The following SLC17A5 variants were observed in gnomAD, a reference collection of about 807,000 sequenced individuals.
The protein encoded by SLC17A5 is solute carrier family 17 member 5, also known as sialin.
In SLC17A5, 47 loss-of-function variants were observed where a neutral mutation model predicts 59.4. The observed-to-expected ratio is 0.79, with a 90% CI of 0.63 to 1.01. The LOEUF is 1.01. Ranked by LOEUF, SLC17A5 falls within the 50% of genes least tolerant of loss-of-function variation. The probability of loss-of-function intolerance (pLI) is 0.00; values close to 1 mark genes in which losing one functional copy is unlikely to be tolerated. For synonymous variants in SLC17A5, 202 were observed against 210.7 expected (o/e 0.96, Z 0.36); for missense variants, 522 against 595.5 (o/e 0.88, Z 1.28).
At chr6:73,606,697 C>G (rs887916171) in intron 9 of SLC17A5, among the ~76,000 whole-genome samples, 1 of 152,136 alleles carries the variant, frequency 6.6e-6, no homozygotes, top group African/African-American at 2.4e-5. Flanking sequence ...CAGATGCCAG[C>G]AGGAATCATG....
chr6:73,641,428 G>A (rs1769278440), intron 3 of SLC17A5, among the ~76,000 whole-genome samples: 1 of 152,116 alleles, frequency 6.6e-6, no homozygotes, highest in African/African-American at 2.4e-5. Context: ...TAAAGTATGA[G>A]CTATGAAGTC....
At chr6:73,598,428 C>T (rs1005328524) in intron 10 of SLC17A5, among the ~76,000 whole-genome samples, 3 of 150,694 alleles carry the variant, frequency 2.0e-5, no homozygotes, top group Non-Finnish European at 3.0e-5. Context: ...GTCAGAAGTT[C>T]GAGACCAGCC....
In SLC17A5 at chr6:73,637,677, G is replaced by A. The variant is rs143782181; in HGVS notation, c.613+735C>T. 2.6e-3 allele frequency among the ~76,000 whole-genome samples: 400 copies of A among 151,926 alleles called. 2 individuals are homozygous for A. Among genetic ancestry groups the A allele is most frequent in the African/African-American group, 8.8e-3 (366 of 41,432 alleles). On this transcript the variant is annotated intron_variant, in intron 4 of 10. Coordinates refer to ENST00000355773, the MANE Select transcript of SLC17A5 (RefSeq NM_012434.5). ...TGTTATTTCTTGCCTGAGTGCCCTC[G>A]TACATGCTGTTCTGATTGGCTGAAA... is the stretch of plus-strand genomic sequence containing the variant.
intron 6 of SLC17A5, among the ~76,000 whole-genome samples, chr6:73,627,465 C>T (rs1768480913): frequency 6.6e-6 from 1 of 152,056 alleles, no homozygotes; most frequent in Non-Finnish European, 1.5e-5. Flanking sequence ...CAAGGTTGGG[C>T]TTAAGAAGGT....
intron 9 of SLC17A5, among the ~76,000 whole-genome samples, chr6:73,605,212 A>G (rs958482977): frequency 1.3e-5 from 2 of 152,204 alleles, no homozygotes; most frequent in African/African-American, 4.8e-5. Flanking sequence ...ATTCTGAATC[A>G]GTACTTAATA....
chr6:73,597,383 C>G (rs547000968), intron 10 of SLC17A5, among the ~76,000 whole-genome samples: 1 of 152,192 alleles, frequency 6.6e-6, no homozygotes, highest in South Asian at 2.1e-4. Flanking sequence ...AGGAGAATGG[C>G]GTGAACCCGG....
chr6:73,635,203 G>A, intron 6 of SLC17A5, 179 bp downstream of exon 6: 1 of 492,182 alleles, frequency 2.0e-6, no homozygotes, highest in South Asian at 2.7e-5. Flanking sequence ...CAAAGGACTG[G>A]GATTACAAGT....
At chr6:73,601,101 C>A (rs1581953966) in intron 9 of SLC17A5, among the ~76,000 whole-genome samples, 1 of 147,768 alleles carries the variant, frequency 6.8e-6, no homozygotes, top group Admixed American at 6.8e-5. Context: ...AAGTGAGGAG[C>A]GCCTCTTCCC....
intron 7 of SLC17A5, chr6:73,618,573 T>C: frequency 1.9e-6 from 1 of 521,844 alleles, no homozygotes; most frequent in Non-Finnish European, 3.7e-6. Context: ...TGGAAGGATG[T>C]TCCTTCAGGA....
intron 4 of SLC17A5, among the ~76,000 whole-genome samples, chr6:73,636,912 C>T (rs978034637): frequency 6.6e-6 from 1 of 152,038 alleles, no homozygotes; most frequent in African/African-American, 2.4e-5. Context: ...AAACTCCTAT[C>T]TGTACTAAAA....
chr6:73,611,100 C>T (rs555655308), intron 8 of SLC17A5, among the ~76,000 whole-genome samples: 2 of 151,948 alleles, frequency 1.3e-5, no homozygotes, highest in Non-Finnish European at 2.9e-5. Context: ...AAACAAAATT[C>T]GCCAGGCATG....
intron 9 of SLC17A5, 40 bp from the exon 10 acceptor site, chr6:73,600,481 A>G (rs1767006858): frequency 7.1e-7 from 1 of 1,415,732 alleles, no homozygotes; most frequent in Non-Finnish European, 1.0e-6. Context: ...ATTGTGATAC[A>G]CATTTAAACA....
intron 3 of SLC17A5, among the ~76,000 whole-genome samples, chr6:73,639,225 C>A (rs1459345961): frequency 1.3e-5 from 2 of 152,034 alleles, no homozygotes; most frequent in Non-Finnish European, 2.9e-5. Flanking sequence ...TGAGGAGATA[C>A]CACAGGACAG....
chr6:73,600,508 CTTTTT>C (rs11349241), intron 9 of SLC17A5, 67 bp from the exon 10 acceptor site: 922 of 790,954 alleles, frequency 1.2e-3, no homozygotes, highest in Non-Finnish European at 1.4e-3. Flanking sequence ...TTCTTTCCTT[CTTTTT>C]TTTTTTTTTT....
intron 10 of SLC17A5, among the ~76,000 whole-genome samples, chr6:73,597,163 A>AAAAT (rs1477313186): frequency 6.6e-6 from 1 of 151,148 alleles, no homozygotes; most frequent in African/African-American, 2.4e-5. Flanking sequence ...CTCCGTCTCA[A>AAAAT]AAATAAATAA....
chr6:73,594,964 ATACAAG>A lies in SLC17A5; in HGVS notation c.*107_*112del. ...CATGATTATAGGCCTTAAAAATCTA[ATACAAG>A]TACAATTAAAAAAAGACATAGAATG... On this transcript the variant is annotated 3_prime_UTR_variant, in exon 11 of 11. Transcript: ENST00000355773. 8.6e-7 allele frequency: 1 copy of A among 1,158,722 alleles called. No homozygotes were observed. The highest frequency in any genetic ancestry group is 2.3e-5 in the East Asian group (1 of 42,654). The allele number at this position is 1,158,722 out of a possible 1,614,324, so 71.8% of individuals were successfully genotyped here.
intron 3 of SLC17A5, 152 bp from the exon 4 acceptor site, chr6:73,638,651 T>G (rs1297434040): frequency 1.4e-6 from 1 of 692,762 alleles, no homozygotes; most frequent in African/African-American, 1.8e-5. Context: ...CAGTGTTAAG[T>G]GAAAATATCT....
intron 7 of SLC17A5, among the ~76,000 whole-genome samples, chr6:73,615,807 A>T (rs1267207676): frequency 4.0e-5 from 6 of 151,722 alleles, no homozygotes; most frequent in African/African-American, 1.5e-4. Context: ...TCATTTATTT[A>T]AAAAAAATTT....
chr6:73,597,675 C>T (rs1766878567), intron 10 of SLC17A5, among the ~76,000 whole-genome samples: 1 of 151,768 alleles, frequency 6.6e-6, no homozygotes, highest in South Asian at 2.1e-4. Flanking sequence ...GTCCCAGCTA[C>T]TTGGGGGGCT....
Sources: gnomAD v4.1 joint callset for allele counts (sites outside exome capture counted in the v4.1 genomes callset) on GRCh38, gnomAD v4.1.1 for gene constraint, MANE v1.5 for transcripts, NCBI Gene and HGNC (gene_info 2026-07-23, HGNC 2026-07-21) for gene names.